The following PARD3B variants were observed in gnomAD, a reference collection of about 807,000 sequenced individuals.
PARD3B encodes the protein partitioning defective 3 homolog B.
Under a neutral mutation model 130.2 loss-of-function variants are expected in PARD3B, and 103 were observed. The observed-to-expected ratio is 0.79, with a 90% CI of 0.67 to 0.93. The LOEUF is 0.93. Ranked by LOEUF, PARD3B falls within the 40% of genes least tolerant of loss-of-function variation. The pLI is 0.00. For synonymous variants in PARD3B, 583 were observed against 553.2 expected, an observed-to-expected ratio of 1.05 and a Z score of -0.76; for missense variants, 1,609 against 1,499.2, an observed-to-expected ratio of 1.07 and a Z score of -1.21.
At chr2:205,492,568 A>G (rs1041780296) in intron 20 of PARD3B, among the ~76,000 whole-genome samples, 1 of 152,164 alleles carries the variant, frequency 6.6e-6, no homozygotes, top group Non-Finnish European at 1.5e-5. Context: ...AAGTATCCCC[A>G]AAGTTGTCCA....
intron 20 of PARD3B, among the ~76,000 whole-genome samples, chr2:205,467,785 A>C (rs576570435): frequency 6.3e-4 from 96 of 152,204 alleles, no homozygotes; most frequent in Non-Finnish European, 1.1e-3. Flanking sequence ...GGGCAGCGAA[A>C]GACCCTCCCA....
Position 205,575,300 on chromosome 2 carries a change from G to T in PARD3B, c.3260+21897G>T, listed in dbSNP as rs2053715860. On this transcript the variant is annotated intron_variant, in intron 22 of 22. Transcript: ENST00000406610. This position sits in a 1 kb window ranked among gnomAD's most constrained non-coding sequence, Gnocchi z 4.6. ...TCATAAACCTGCCACCTCAACACAT[G>T]CGTAACTTCCCTCATTACCAACATT... 6.6e-6 allele frequency among the ~76,000 whole-genome samples: 1 copy of T among 151,824 alleles called. No homozygotes were observed. The highest frequency in any genetic ancestry group is 1.5e-5 in the Non-Finnish European group (1 of 67,984).
chr2:205,285,972 G>A (rs1465239801), intron 16 of PARD3B, among the ~76,000 whole-genome samples: 2 of 152,108 alleles, frequency 1.3e-5, no homozygotes, highest in Non-Finnish European at 2.9e-5. Flanking sequence ...GTACACTGCA[G>A]CTTTGTGAAT....
intron 19 of PARD3B, among the ~76,000 whole-genome samples, chr2:205,436,714 T>C (rs1424385006): frequency 6.6e-6 from 1 of 152,196 alleles, no homozygotes; most frequent in Non-Finnish European, 1.5e-5. Flanking sequence ...CTGGGTACTC[T>C]GCCCTGGTGG....
chr2:204,815,607 A>G (rs2043116631), intron 2 of PARD3B, among the ~76,000 whole-genome samples: 1 of 151,908 alleles, frequency 6.6e-6, no homozygotes, highest in Non-Finnish European at 1.5e-5. Flanking sequence ...TGAAGAGGTC[A>G]TTGATTTTGA....
At chr2:204,648,612 A>G (rs936403607) in intron 1 of PARD3B, among the ~76,000 whole-genome samples, 1 of 126,074 alleles carries the variant, frequency 7.9e-6, no homozygotes, top group Non-Finnish European at 1.6e-5. Context: ...ATTTATATTT[A>G]TATATACTAT....
At chr2:205,610,617 C>G (rs1238978197) in intron 22 of PARD3B, among the ~76,000 whole-genome samples, 1 of 152,074 alleles carries the variant, frequency 6.6e-6, no homozygotes, top group Non-Finnish European at 1.5e-5. Context: ...TATTGAGCAC[C>G]TATTGTATTT....
intron 2 of PARD3B, among the ~76,000 whole-genome samples, chr2:204,709,269 C>T (rs1347731627): frequency 1.3e-5 from 2 of 152,022 alleles, no homozygotes; most frequent in African/African-American, 4.8e-5. Context: ...TGTCAGTACC[C>T]AATAAAACAT....
At chr2:205,425,697 T>C (rs929505967) in intron 19 of PARD3B, among the ~76,000 whole-genome samples, 4 of 152,170 alleles carry the variant, frequency 2.6e-5, no homozygotes, top group African/African-American at 9.7e-5. Context: ...TAGGATGTTC[T>C]GAGTCCACGC....
rs1201714282 is a variant in PARD3B at position 205,461,558 on chromosome 2, T to G, written c.3044+20886T>G. ...CCCTCTACCTCCCAGAGACCTAACCTATTTCCCTATCACTTATTTTCAGGG... is the reference window on the plus strand; with the variant it reads ...CCCTCTACCTCCCAGAGACCTAACCGATTTCCCTATCACTTATTTTCAGGG... On this transcript the variant is annotated intron_variant, in intron 20 of 22. Coordinates refer to ENST00000406610, the MANE Select transcript of PARD3B (RefSeq NM_001302769.2). The surrounding 1 kb of genome is among the most constrained non-coding windows in gnomAD (Gnocchi z 4.3). Among the ~76,000 whole-genome samples the G allele has an allele frequency of 6.6e-6, 1 of 152,204 alleles. No individual in the cohort carries two copies. The highest frequency in any genetic ancestry group is 1.5e-5 in the Non-Finnish European group (1 of 68,024).
chr2:204,674,076 A>G (rs1478937404), intron 1 of PARD3B, among the ~76,000 whole-genome samples: 1 of 152,154 alleles, frequency 6.6e-6, no homozygotes, highest in East Asian at 1.9e-4. Context: ...CTTCATTTGT[A>G]TGACAAATGC....
chr2:205,113,444 G>GT (rs1559450932), intron 5 of PARD3B, 47 bp from the exon 6 acceptor site: 1 of 1,372,258 alleles, frequency 7.3e-7, no homozygotes, highest in Admixed American at 1.7e-5. Context: ...TGCTCCCTCT[G>GT]TTTTTTAGCA....
At chr2:205,033,689 A>G (rs1358135783) in intron 3 of PARD3B, among the ~76,000 whole-genome samples, 2 of 152,162 alleles carry the variant, frequency 1.3e-5, no homozygotes, top group Non-Finnish European at 2.9e-5. Context: ...GCATCTCAAA[A>G]TTCTTTTTAA....
In PARD3B at chr2:204,678,079, G is replaced by T. The variant is rs1163932223; in HGVS notation, c.121-8102G>T. Among the ~76,000 whole-genome samples the T allele has an allele frequency of 3.3e-5, 5 of 152,198 alleles. No individual in the cohort carries two copies. Among genetic ancestry groups the T allele is most frequent in the Non-Finnish European group, 7.3e-5 (5 of 68,036 alleles). On this transcript the variant is annotated intron_variant, in intron 1 of 22. Coordinates refer to ENST00000406610, the MANE Select transcript of PARD3B (RefSeq NM_001302769.2). The surrounding 1 kb of genome is among the most constrained non-coding windows in gnomAD (Gnocchi z 4.2). ...ACGTGCAGAAAAGTACACAAGTTAAGTATAGCTGGTGAGACAGGAGAGTCC... is the reference window on the plus strand; with the variant it reads ...ACGTGCAGAAAAGTACACAAGTTAATTATAGCTGGTGAGACAGGAGAGTCC...
At chr2:204,935,252 GT>G (rs1688332800) in intron 2 of PARD3B, among the ~76,000 whole-genome samples, 5 of 150,258 alleles carry the variant, frequency 3.3e-5, no homozygotes, top group South Asian at 2.1e-4. Context: ...AAAATAGGCT[GT>G]GCGCAGTGGC....
chr2:204,803,651 G>A (rs1308488108), intron 2 of PARD3B, among the ~76,000 whole-genome samples: 1 of 151,940 alleles, frequency 6.6e-6, no homozygotes, highest in Non-Finnish European at 1.5e-5. Flanking sequence ...TAAAATAATG[G>A]GCTGTAAGAT....
At chr2:205,148,747 C>T (rs2033544953) in intron 10 of PARD3B, among the ~76,000 whole-genome samples, 1 of 151,434 alleles carries the variant, frequency 6.6e-6, no homozygotes, top group Admixed American at 6.6e-5. Context: ...AAAAAAAAAG[C>T]TCTTTTGTTT....
rs936031232 is a variant in PARD3B at position 204,583,884 on chromosome 2, G to A, written c.120+37765G>A. On this transcript the variant is annotated intron_variant, in intron 1 of 22. Transcript: ENST00000406610. ...ATCATTTGACCTTGTTCAGATCTTG[G>A]TGCACACATTTTCAGGGCTAATTTT... is the stretch of plus-strand genomic sequence containing the variant. 6.6e-5 allele frequency among the ~76,000 whole-genome samples: 10 copies of A among 152,206 alleles called. 1 individual carries two copies. The highest frequency in any genetic ancestry group is 2.4e-4 in the African/African-American group (10 of 41,450).
intron 22 of PARD3B, among the ~76,000 whole-genome samples, chr2:205,609,610 A>G (rs1182736909): frequency 2.0e-5 from 3 of 152,238 alleles, no homozygotes; most frequent in African/African-American, 7.2e-5. Flanking sequence ...ATTTTATAGA[A>G]ATTAAGAACA....
Sources: gnomAD v4.1 joint callset for allele counts (sites outside exome capture counted in the v4.1 genomes callset) on GRCh38, gnomAD v4.1.1 for gene constraint, Gnocchi (gnomAD v3.1) non-coding constraint, MANE v1.5 for transcripts, NCBI Gene and HGNC (gene_info 2026-07-23, HGNC 2026-07-21) for gene names.